Variants in THADA observed in about 807,000 individuals in gnomAD.
The protein encoded by THADA is THADA armadillo repeat containing.
A neutral mutation model predicts 219.8 loss-of-function variants in THADA; 213 were observed. That is an observed-to-expected ratio of 0.97 (90% CI 0.87 to 1.09). The LOEUF is 1.09. Among genes scored for constraint, THADA ranks in the 50% least tolerant of loss-of-function variants. The probability of loss-of-function intolerance (pLI) is 0.00; values close to 1 mark genes in which losing one functional copy is unlikely to be tolerated. For synonymous variants in THADA, 1,018 were observed against 828.9 expected (o/e 1.23, Z -3.92); for missense variants, 2,956 against 2,311.3 (o/e 1.28, Z -5.72).
chr2:43,531,869 T>A (rs1028998897), intron 21 of THADA, among the ~76,000 whole-genome samples: 2 of 152,028 alleles, frequency 1.3e-5, no homozygotes, highest in Admixed American at 6.6e-5. Context: ...ATAATTTTTT[T>A]AAAAAAACCT....
At chr2:43,528,094 A>T in intron 21 of THADA, 106 bp from the exon 22 acceptor site, 2 of 574,804 alleles carry the variant, frequency 3.5e-6, no homozygotes, top group Non-Finnish European at 6.2e-6. Context: ...CCATTCATTT[A>T]GCGCTTACCA....
chr2:43,522,135 A>T (rs1230652026), intron 22 of THADA, among the ~76,000 whole-genome samples: 1 of 152,192 alleles, frequency 6.6e-6, no homozygotes. Flanking sequence ...TTATTATTTC[A>T]ATGAAACTAA....
chr2:43,298,632 C>A (rs1404962091), intron 31 of THADA, among the ~76,000 whole-genome samples: 6 of 151,296 alleles, frequency 4.0e-5, no homozygotes, highest in Admixed American at 2.6e-4. Context: ...TAATTAACAA[C>A]AGGAAGAACT....
chr2:43,545,358 G>A (rs889199666), intron 20 of THADA, among the ~76,000 whole-genome samples: 3 of 151,906 alleles, frequency 2.0e-5, no homozygotes, highest in African/African-American at 7.3e-5. Context: ...GTCTCTGCCT[G>A]GCTTTGGTAT....
intron 29 of THADA, among the ~76,000 whole-genome samples, chr2:43,365,973 G>C (rs1415407287): frequency 6.6e-6 from 1 of 152,158 alleles, no homozygotes; most frequent in Non-Finnish European, 1.5e-5. Context: ...TAATATGTGG[G>C]AGCAGGGTCT....
intron 31 of THADA, among the ~76,000 whole-genome samples, chr2:43,302,660 C>G (rs1168849708): frequency 6.6e-6 from 1 of 152,110 alleles, no homozygotes; most frequent in Non-Finnish European, 1.5e-5. Context: ...TAAAAACCTA[C>G]TATCTATTAT....
chr2:43,449,491 A>G (rs1041127758), intron 26 of THADA, among the ~76,000 whole-genome samples: 4 of 152,244 alleles, frequency 2.6e-5, no homozygotes, highest in Non-Finnish European at 5.9e-5. Context: ...CAGATAGGAT[A>G]AACTAAAAAA....
At chr2:43,334,637 T>C (rs1666181520) in intron 30 of THADA, among the ~76,000 whole-genome samples, 2 of 151,902 alleles carry the variant, frequency 1.3e-5, no homozygotes, top group African/African-American at 4.8e-5. Flanking sequence ...TAGCCAGGCG[T>C]GGTGGCGGGC....
At chr2:43,397,873 G>C (rs1234086758) in intron 29 of THADA, 98 bp downstream of exon 29, 27 of 1,272,996 alleles carry the variant, frequency 2.1e-5, no homozygotes, top group South Asian at 2.1e-4. Context: ...ATAAAGTTAA[G>C]AGGCTGTGTA....
At chr2:43,325,641 G>C (rs1403149393) in intron 30 of THADA, among the ~76,000 whole-genome samples, 3 of 151,984 alleles carry the variant, frequency 2.0e-5, no homozygotes, top group Non-Finnish European at 4.4e-5. Flanking sequence ...GACAGAGGGA[G>C]AAAGGAGGAA....
intron 28 of THADA, among the ~76,000 whole-genome samples, chr2:43,405,140 T>C (rs1284751800): frequency 6.6e-6 from 1 of 152,154 alleles, no homozygotes; most frequent in Non-Finnish European, 1.5e-5. Context: ...TATTCACTTG[T>C]TTATGTGAAG....
rs771778704 is a variant in THADA, at chr2:43,287,059, G to T, written c.5013C>A (p.Asn1671Lys). Residue 1671 changes from asparagine (N) to lysine (K), a missense_variant and splice_region_variant, in exon 35 of 38, where the codon AAC becomes AAA. Physicochemically the swap from Asn to Lys is moderately conservative, Grantham distance 94 (BLOSUM62 0). Coordinates refer to ENST00000405975, the MANE Select transcript of THADA (RefSeq NM_022065.5). ...ISHHMQTCVE[N>K]RELIAAELKQ... ...TCAGCTCAGCAGCTATCAATTCCCT[G>T]TTCTAAAAGCACAAAATGTACCTAT... The T allele has an allele frequency of 1.9e-6, 3 of 1,611,430 alleles. No homozygotes were observed. The highest frequency in any genetic ancestry group is 1.3e-5 in the African/African-American group (1 of 75,026).
chr2:43,362,810 G>A (rs1328427570), intron 29 of THADA, among the ~76,000 whole-genome samples: 1 of 152,048 alleles, frequency 6.6e-6, no homozygotes, highest in Admixed American at 6.6e-5. Context: ...AAACACCTGT[G>A]CAGCTATAAA....
chr2:43,339,977 T>C (rs1167418851), intron 30 of THADA, among the ~76,000 whole-genome samples: 2 of 152,090 alleles, frequency 1.3e-5, no homozygotes, highest in African/African-American at 2.4e-5. Flanking sequence ...AAAAAAGTTT[T>C]TGTAATTAGC....
chr2:43,540,056 A>G (rs2103807040), intron 21 of THADA, among the ~76,000 whole-genome samples: 1 of 152,348 alleles, frequency 6.6e-6, no homozygotes, highest in African/African-American at 2.4e-5. Flanking sequence ...AAGTTGGGAA[A>G]TCAAAGGCCT....
intron 31 of THADA, among the ~76,000 whole-genome samples, chr2:43,308,653 G>C (rs150546467): frequency 1.3e-5 from 2 of 150,120 alleles, no homozygotes; most frequent in East Asian, 4.0e-4. Context: ...ATTGAGCCAT[G>C]ATCTCGCCAT....
At position 43,367,214 on chromosome 2, in the gene THADA, T is replaced by C. The variant is rs894103619; in HGVS notation, c.4228-22977A>G. 3.3e-5 allele frequency among the ~76,000 whole-genome samples: 5 copies of C among 152,286 alleles called. No individual in the cohort carries two copies. The South Asian group carries it at 8.3e-4, about 25-fold the overall frequency. ...ATAGGGCGCTGTTGTTTAATGGGTATAGAGTTTCAGTTCTGCAAGATGAAA... is the reference window on the plus strand; with the variant it reads ...ATAGGGCGCTGTTGTTTAATGGGTACAGAGTTTCAGTTCTGCAAGATGAAA... On this transcript the variant is annotated intron_variant, in intron 29 of 37. Transcript: ENST00000405975.
chr2:43,306,014 T>A (rs1176386303), intron 31 of THADA, among the ~76,000 whole-genome samples: 1 of 134,974 alleles, frequency 7.4e-6, no homozygotes, highest in Non-Finnish European at 1.6e-5. Flanking sequence ...TGAGACAGGG[T>A]CTTACTCTTG....
intron 29 of THADA, among the ~76,000 whole-genome samples, chr2:43,375,334 T>A (rs923049133): frequency 1.3e-5 from 2 of 152,186 alleles, no homozygotes; most frequent in Non-Finnish European, 2.9e-5. Context: ...CACCACATAA[T>A]CCAGTTTGTC....
Sources: allele counts gnomAD v4.1 joint callset (sites outside exome capture counted in the v4.1 genomes callset), GRCh38; gene constraint gnomAD v4.1.1; transcripts MANE v1.5; gene names NCBI Gene and HGNC (gene_info 2026-07-23, HGNC 2026-07-21).